GPHB5: variants seen among roughly 807,000 people sequenced by gnomAD.
GPHB5 encodes the protein glycoprotein hormone beta-5.
In GPHB5, 7 loss-of-function variants were observed where a neutral mutation model predicts 10.1. The ratio of observed to expected loss-of-function variants is 0.69; its 90% CI spans 0.39 to 1.30. GPHB5 has a LOEUF of 1.30. Ranked by LOEUF, GPHB5 falls within the 50% of genes most tolerant of loss-of-function variation. The pLI is 0.01. For synonymous variants in GPHB5, 68 were observed against 70.1 expected (o/e 0.97, Z 0.15); for missense variants, 161 against 169.8 (o/e 0.95, Z 0.29).
At position 63,317,647 on chromosome 14, in the gene GPHB5, T is replaced by TC; in HGVS notation, c.202dup (p.Glu68GlyfsTer11). The TC allele has an allele frequency of 6.2e-7, 1 of 1,613,838 alleles. No individual in the cohort carries two copies. Among genetic ancestry groups the TC allele is most frequent in the Non-Finnish European group, 8.5e-7 (1 of 1,179,786 alleles). The stretch of plus-strand genomic sequence containing the variant: ...CATCTGCACAACTTAGCAACTCACC[T>TC]CCCAGGTCTCACAGCGACCCCAGCA... On this transcript the variant is annotated frameshift_variant and splice_region_variant, in exon 2 of 3. Coordinates refer to ENST00000621500, the MANE Select transcript of GPHB5 (RefSeq NM_145171.4). LOFTEE classifies it high-confidence loss of function.
Position 63,312,989 on chromosome 14 carries a change from A to G in GPHB5, c.332T>C (p.Val111Ala), listed in dbSNP as rs547664197. The G allele has an allele frequency of 3.8e-6, 6 of 1,568,022 alleles. No homozygotes were observed. The highest frequency in any genetic ancestry group is 5.2e-6 in the Non-Finnish European group (6 of 1,156,150). ...GGCTCCGCAGTCACAGCGGATGGCC[A>G]CGGGATAGGTGTAGAAGGGGTCGAC... ...PGVDPFYTYP[V>A]AIRCDCGACS... The change falls in exon 3 of 3, where the codon GTG (valine) becomes GCG (alanine). Residue 111 changes from valine (V) to alanine (A), a missense_variant. Transcript: ENST00000621500.
In GPHB5 at chr14:63,312,943, C is replaced by T; in HGVS notation, c.378G>A (p.Glu126=). The change falls in exon 3 of 3, where the codon GAG becomes GAA. Residue 126 remains glutamate, a synonymous_variant. Transcript: ENST00000621500. ...GCTAGCGGCCTCAGATGGTCTCACA[C>T]TCCGTGGTGGCAGTGGAGCAGGCTC... The part of the protein sequence containing the change: ...DCGACSTATT[E]CETI The T allele has an allele frequency of 1.3e-6, 2 of 1,552,770 alleles. No homozygotes were observed. Among genetic ancestry groups the T allele is most frequent in the Non-Finnish European group, 1.7e-6 (2 of 1,147,594 alleles).
At chr14:63,316,135 T>C (rs908270024) in intron 2 of GPHB5, among the ~76,000 whole-genome samples, 6 of 152,354 alleles carry the variant, frequency 3.9e-5, no homozygotes, top group South Asian at 2.1e-4. Flanking sequence ...CCGATTTTCA[T>C]TGGGCTAGTA....
chr14:63,316,373 T>C (rs1882771714), intron 2 of GPHB5, among the ~76,000 whole-genome samples: 1 of 152,194 alleles, frequency 6.6e-6, no homozygotes, highest in Non-Finnish European at 1.5e-5. Flanking sequence ...GGCTGGAGGA[T>C]CTACAGCTCC....
chr14:63,316,058 G>C (rs1468130609), intron 2 of GPHB5, among the ~76,000 whole-genome samples: 3 of 152,250 alleles, frequency 2.0e-5, no homozygotes, highest in Non-Finnish European at 4.4e-5. Flanking sequence ...TCCCTGAACA[G>C]GAGGAGGTGC....
chr14:63,314,010 C>T (rs728526), intron 2 of GPHB5, among the ~76,000 whole-genome samples: 18,659 of 152,118 alleles, frequency 0.12, 1,336 homozygotes, highest in African/African-American at 0.19. Flanking sequence ...AAACAGACCC[C>T]GGGAGAGTTT....
intron 2 of GPHB5, among the ~76,000 whole-genome samples, chr14:63,316,516 G>A (rs542100813): frequency 3.3e-5 from 5 of 152,174 alleles, no homozygotes; most frequent in African/African-American, 9.7e-5. Context: ...CGCGTGTGGT[G>A]GGGGAGGAAG....
intron 2 of GPHB5, among the ~76,000 whole-genome samples, chr14:63,314,548 G>A (rs2139683266): frequency 6.6e-6 from 1 of 151,834 alleles, no homozygotes. Context: ...AGCCTCCCGG[G>A]ACTACAGGCA....
At chr14:63,318,047 C>T (rs1882804813) in intron 1 of GPHB5, among the ~76,000 whole-genome samples, 197 bp from the exon 2 acceptor site, 1 of 152,224 alleles carries the variant, frequency 6.6e-6, no homozygotes, top group African/African-American at 2.4e-5. Context: ...GTGTGGATTC[C>T]ATGGCCCTCT....
intron 2 of GPHB5, among the ~76,000 whole-genome samples, chr14:63,314,719 T>C (rs1005936015): frequency 6.6e-6 from 1 of 151,922 alleles, no homozygotes; most frequent in African/African-American, 2.4e-5. Flanking sequence ...GCCAATCCAT[T>C]GTTCTTATTA....
At chr14:63,313,903 G>A (rs993591182) in intron 2 of GPHB5, among the ~76,000 whole-genome samples, 2 of 152,032 alleles carry the variant, frequency 1.3e-5, no homozygotes, top group Non-Finnish European at 2.9e-5. Flanking sequence ...AATACCACAC[G>A]ACGTAGTCTA....
chr14:63,316,387 G>C (rs1013120994), intron 2 of GPHB5, among the ~76,000 whole-genome samples: 10 of 152,164 alleles, frequency 6.6e-5, no homozygotes, highest in Non-Finnish European at 7.3e-5. Flanking sequence ...CAGCTCCAGG[G>C]GGAGGTCCAT....
At chr14:63,317,499 T>A in intron 2 of GPHB5, 147 bp downstream of exon 2, 1 of 685,242 alleles carries the variant, frequency 1.5e-6, no homozygotes. Context: ...AAGATGCCAA[T>A]CATAGTTTTG....
intron 1 of GPHB5, 117 bp downstream of exon 1, chr14:63,318,707 C>A (rs1044915471): frequency 6.6e-6 from 1 of 152,178 alleles, no homozygotes; most frequent in Non-Finnish European, 1.5e-5. Context: ...CATTCATGGA[C>A]CTTTACCCCC....
chr14:63,317,814 G>A lies in GPHB5; in HGVS notation c.36C>T (p.Ala12=), dbSNP rs770612788. The change falls in exon 2 of 3, where the codon GCC becomes GCT. Residue 12 remains alanine (A), a synonymous_variant. Coordinates refer to ENST00000621500, the MANE Select transcript of GPHB5 (RefSeq NM_145171.4). ...KLAFLFLGPM[A]LLLLAGYGCV... is the part of the protein sequence containing the mutation. Reference sequence around the variant, plus strand: ...AGCCATAGCCAGCCAGAAGGAGGAGGGCCATGGGGCCAAGGAAGAGGAATG... The same window carrying A: ...AGCCATAGCCAGCCAGAAGGAGGAGAGCCATGGGGCCAAGGAAGAGGAATG... 5.0e-6 allele frequency: 8 copies of A among 1,614,038 alleles called. No homozygotes were observed. The highest frequency in any genetic ancestry group is 6.8e-6 in the Non-Finnish European group (8 of 1,179,896).
At chr14:63,314,349 T>G (rs1882730162) in intron 2 of GPHB5, among the ~76,000 whole-genome samples, 1 of 152,016 alleles carries the variant, frequency 6.6e-6, no homozygotes, top group Non-Finnish European at 1.5e-5. Flanking sequence ...CTCCCACCAT[T>G]GTTTGAGAGA....
At chr14:63,313,833 CT>C (rs1428914300) in intron 2 of GPHB5, among the ~76,000 whole-genome samples, 1 of 152,208 alleles carries the variant, frequency 6.6e-6, no homozygotes, top group Non-Finnish European at 1.5e-5. Context: ...AACATTCCAT[CT>C]CCATGCCCAG....
At position 63,317,784 on chromosome 14, in the gene GPHB5, G is replaced by A; in HGVS notation, c.66C>T (p.Val22=). ...GCAGGTTCCCACTGGAGGCACCGAG[G>A]ACACAGCCATAGCCAGCCAGAAGGA... The part of the protein sequence containing the change: ...ALLLLAGYGC[V]LGASSGNLRT... The change falls in exon 2 of 3, where the codon GTC becomes GTT. Residue 22 remains valine (V), a synonymous_variant. Transcript: ENST00000621500. 1 of 1,614,050 alleles carries A rather than the reference G, an allele frequency of 6.2e-7. No individual in the cohort carries two copies. Among genetic ancestry groups the A allele is most frequent in the South Asian group, 1.1e-5 (1 of 91,072 alleles).
intron 1 of GPHB5, 23 bp from the exon 2 acceptor site, chr14:63,317,873 G>T: frequency 6.2e-7 from 1 of 1,611,108 alleles, no homozygotes; most frequent in South Asian, 1.1e-5. Context: ...AGAGGGAAAG[G>T]ACAGAGTTTA....
Sources: gnomAD v4.1 joint callset for allele counts (sites outside exome capture counted in the v4.1 genomes callset) on GRCh38, gnomAD v4.1.1 for gene constraint, MANE v1.5 for transcripts, NCBI Gene and HGNC (gene_info 2026-07-23, HGNC 2026-07-21) for gene names.